The following IFI16 variants were observed in gnomAD, a reference collection of about 807,000 sequenced individuals.
The protein encoded by IFI16 is gamma-interferon-inducible protein 16.
A neutral mutation model predicts 68.4 loss-of-function variants in IFI16; 49 were observed. That is an observed-to-expected ratio of 0.72 (90% CI 0.57 to 0.91). The LOEUF (loss-of-function observed/expected upper bound fraction) is 0.91, where lower values mean the gene tolerates loss of function less well. IFI16 is among the 40% of genes least tolerant of loss of function. The pLI, the probability that IFI16 is intolerant of heterozygous loss-of-function variation, is 0.00. For synonymous variants in IFI16, 307 were observed against 315.0 expected (o/e 0.97, Z 0.27); for missense variants, 878 against 942.9 (o/e 0.93, Z 0.90).
chr1:159,020,610 T>A, intron 6 of IFI16, 81 bp downstream of exon 6: 1 of 1,014,310 alleles, frequency 9.9e-7, no homozygotes, highest in Non-Finnish European at 1.5e-6. Flanking sequence ...AGTTTGTAGG[T>A]TTTTTTTACA....
chr1:159,035,161 A>ATT (rs557376158), intron 7 of IFI16, among the ~76,000 whole-genome samples: 192 of 151,394 alleles, frequency 1.3e-3, no homozygotes, highest in African/African-American at 4.5e-3. Context: ...CTCTATTTTG[A>ATT]TTTTTTTTTG....
chr1:159,016,528 T>G lies in IFI16; in HGVS notation c.382-5T>G. On this transcript the variant is annotated splice_region_variant and splice_polypyrimidine_tract_variant and intron_variant, in intron 3 of 11. Coordinates refer to ENST00000295809, the MANE Select transcript of IFI16 (RefSeq NM_001376587.1). ...CGAATAACAGGAAAATCAAACCACT[T>G]TCAGAAAAGAAAAAAATCAACCAAA... 6.2e-7 allele frequency: 1 copy of G among 1,602,296 alleles called. No homozygotes were observed. The highest frequency in any genetic ancestry group is 8.5e-7 in the Non-Finnish European group (1 of 1,175,674).
intron 5 of IFI16, among the ~76,000 whole-genome samples, chr1:159,019,261 CAA>C (rs71757653): frequency 2.1e-5 from 3 of 142,446 alleles, no homozygotes; most frequent in African/African-American, 5.1e-5. Context: ...ATATAAATAA[CAA>C]AAAAAAAAAA....
At chr1:159,018,167 A>G in intron 4 of IFI16, 62 bp from the exon 5 acceptor site, 1 of 1,405,150 alleles carries the variant, frequency 7.1e-7, no homozygotes, top group Non-Finnish European at 9.9e-7. Context: ...AGGTCACTGA[A>G]TAGCAGTTCT....
chr1:159,027,572 CTCTA>C (rs149331867), intron 6 of IFI16, among the ~76,000 whole-genome samples: 2,078 of 152,168 alleles, frequency 0.014, 52 homozygotes, highest in African/African-American at 0.047. Context: ...TTCTCTCTTT[CTCTA>C]TCTTGTGAAA....
chr1:159,006,918 TCTGA>T (rs965906303), upstream of IFI16, among the ~76,000 whole-genome samples: 3 of 152,364 alleles, frequency 2.0e-5, no homozygotes, highest in South Asian at 2.1e-4. Flanking sequence ...ATTTCGCATT[TCTGA>T]CTGTTTATAG....
chr1:159,030,480 C>G (rs1484936068), intron 6 of IFI16, among the ~76,000 whole-genome samples: 1 of 151,986 alleles, frequency 6.6e-6, no homozygotes, highest in Non-Finnish European at 1.5e-5. Flanking sequence ...TTTTTTGTCC[C>G]ACAGGGTGCT....
At chr1:159,046,120 C>T (rs1654968241) in intron 8 of IFI16, among the ~76,000 whole-genome samples, 1 of 151,106 alleles carries the variant, frequency 6.6e-6, no homozygotes, top group Admixed American at 6.6e-5. Flanking sequence ...ATGGTTATTC[C>T]ATACATTATA....
At chr1:159,027,689 A>G (rs1101995) in intron 6 of IFI16, among the ~76,000 whole-genome samples, 99,903 of 152,012 alleles carry the variant, frequency 0.66, 36,807 homozygotes, top group Admixed American at 0.81. Flanking sequence ...ATTATTTTTT[A>G]TTACCATTTC....
chr1:159,031,211 C>T (rs1173294146), intron 6 of IFI16, among the ~76,000 whole-genome samples: 1 of 152,156 alleles, frequency 6.6e-6, no homozygotes, highest in African/African-American at 2.4e-5. Flanking sequence ...AGTTTATTTC[C>T]AGGCAGCAAG....
At position 159,055,045 on chromosome 1, in the gene IFI16, G is replaced by A. The variant is rs957251516; in HGVS notation, c.*144G>A. 13 of 414,858 alleles carry A rather than the reference G, an allele frequency of 3.1e-5. No homozygotes were observed. Among genetic ancestry groups the A allele is most frequent in the African/African-American group, 2.3e-4 (11 of 48,628 alleles). The allele number at this position is 414,858 out of a possible 1,614,324, so 25.7% of individuals were successfully genotyped here. A position where few individuals can be genotyped will look rare whatever the true frequency, so the allele number is the denominator to read the frequency against. Reference sequence around the variant, plus strand: ...TTAATCCTATGGAATGGGGTATTGGGAGTGCTTTTTTAATTTTTCATAGTT... The same window carrying A: ...TTAATCCTATGGAATGGGGTATTGGAAGTGCTTTTTTAATTTTTCATAGTT... On this transcript the variant is annotated 3_prime_UTR_variant, in exon 12 of 12. Transcript: ENST00000295809.
At chr1:159,045,671 A>G (rs1190526050) in intron 8 of IFI16, among the ~76,000 whole-genome samples, 1 of 151,316 alleles carries the variant, frequency 6.6e-6, no homozygotes, top group Non-Finnish European at 1.5e-5. Flanking sequence ...AGCAGGTATA[A>G]TTAGATATCT....
chr1:159,029,259 C>T (rs1653849698), intron 6 of IFI16, among the ~76,000 whole-genome samples: 1 of 152,128 alleles, frequency 6.6e-6, no homozygotes, highest in Non-Finnish European at 1.5e-5. Context: ...AAGCTTAGTT[C>T]ACTGGATACA....
rs1243254161 is a variant in IFI16, at chr1:159,051,880, A to G, written c.1867A>G (p.Lys623Glu). Reference protein sequence around the residue: ...VKVFNIDLKEKFTPKKIIAIA... With the variant: ...VKVFNIDLKEEFTPKKIIAIA... Reference sequence around the variant, plus strand: ...GGTTTTTAATATTGACCTAAAGGAGAAGTTCACCCCAAAGAAGATCATTGC... The same window carrying G: ...GGTTTTTAATATTGACCTAAAGGAGGAGTTCACCCCAAAGAAGATCATTGC... Residue 623 changes from lysine (K) to glutamate (E), a missense_variant, in exon 10 of 12, where the codon AAG (lysine) becomes GAG (glutamate). Transcript: ENST00000295809. 6.2e-7 allele frequency: 1 copy of G among 1,614,120 alleles called. No individual in the cohort carries two copies. Among genetic ancestry groups the G allele is most frequent in the South Asian group, 1.1e-5 (1 of 91,086 alleles).
chr1:159,020,713 G>A (rs1282970872), intron 6 of IFI16, among the ~76,000 whole-genome samples, 184 bp downstream of exon 6: 1 of 151,574 alleles, frequency 6.6e-6, no homozygotes, highest in Non-Finnish European at 1.5e-5. Context: ...TGATGTGATA[G>A]GATACAATTT....
chr1:159,009,219 C>T (rs1652396691), upstream of IFI16: 1 of 152,142 alleles, frequency 6.6e-6, no homozygotes, highest in African/African-American at 2.4e-5. Context: ...TGAATCTAAT[C>T]ATTGAGGTAA....
chr1:159,044,796 G>A (rs1460741698), intron 7 of IFI16, among the ~76,000 whole-genome samples: 1 of 152,154 alleles, frequency 6.6e-6, no homozygotes. Context: ...AACCTTCCCT[G>A]AGGAATTGTG....
upstream of IFI16, among the ~76,000 whole-genome samples, chr1:159,002,215 T>C (rs1410324232): frequency 6.6e-6 from 1 of 152,168 alleles, no homozygotes; most frequent in Non-Finnish European, 1.5e-5. Context: ...CAGTACATAT[T>C]ACTGAATTCA....
intron 6 of IFI16, among the ~76,000 whole-genome samples, chr1:159,028,442 A>G (rs542203983): frequency 1.3e-5 from 2 of 152,132 alleles, no homozygotes; most frequent in African/African-American, 4.8e-5. Flanking sequence ...TATATGGCCT[A>G]TCTTGGAGAA....
Sources: gnomAD v4.1 joint callset for allele counts (sites outside exome capture counted in the v4.1 genomes callset) on GRCh38, gnomAD v4.1.1 for gene constraint, MANE v1.5 for transcripts, NCBI Gene and HGNC (gene_info 2026-07-23, HGNC 2026-07-21) for gene names.